Variants in NWD2 observed in about 807,000 individuals in gnomAD.
NWD2 encodes NACHT and WD repeat domain-containing protein 2.
In NWD2, 37 loss-of-function variants were observed where a neutral mutation model predicts 132.7. That is an observed-to-expected ratio of 0.28 (90% confidence interval 0.21 to 0.37). The LOEUF is 0.37. Ranked by LOEUF, NWD2 falls within the 10% of genes least tolerant of loss-of-function variation. The pLI is 1.00. For missense variants in NWD2, 1,592 were observed against 2,122.4 expected, an observed-to-expected ratio of 0.75 and a Z score of 4.91; for synonymous variants, 705 against 803.0, an observed-to-expected ratio of 0.88 and a Z score of 2.06.
Position 37,446,214 on chromosome 4 carries a change from A to T in NWD2, c.4226A>T (p.Asp1409Val). The T allele has an allele frequency of 6.4e-7, 1 of 1,551,660 alleles. No homozygotes were observed. The highest frequency in any genetic ancestry group is 8.7e-7 in the Non-Finnish European group (1 of 1,146,982). Residue 1409 changes from aspartate (D) to valine (V), a missense_variant, in exon 7 of 7, where the codon GAC becomes GTC. By Grantham distance (152) the Asp-to-Val change is radical (BLOSUM62 -3). Transcript: ENST00000309447. This position sits in a 1 kb window ranked among gnomAD's most constrained non-coding sequence, Gnocchi z 6.7. ...RISQLLITHNDQFVVSLCEEN... is the reference protein window; with the variant it reads ...RISQLLITHNVQFVVSLCEEN... ...TCTCAGCTGCTGATTACACACAATGACCAGTTTGTGGTCTCGCTCTGTGAG... is the reference window on the plus strand; with the variant it reads ...TCTCAGCTGCTGATTACACACAATGTCCAGTTTGTGGTCTCGCTCTGTGAG...
At chr4:37,355,052 G>A (rs554079812) in intron 2 of NWD2, among the ~76,000 whole-genome samples, 11 of 152,246 alleles carry the variant, frequency 7.2e-5, no homozygotes, top group Admixed American at 2.0e-4. Context: ...GAAATACTCT[G>A]TATCTCCTTT....
In NWD2 at chr4:37,439,052, T is replaced by A. The variant is rs1210943246; in HGVS notation, c.958T>A (p.Ser320Thr). The A allele has an allele frequency of 6.4e-7, 1 of 1,551,638 alleles. No individual in the cohort carries two copies. Among genetic ancestry groups the A allele is most frequent in the Non-Finnish European group, 8.7e-7 (1 of 1,146,972 alleles). ...ATCATCTAATCTGAGAGTGTACACATCTGTTACTCATTGTGACATGAAACT... is the reference window on the plus strand; with the variant it reads ...ATCATCTAATCTGAGAGTGTACACAACTGTTACTCATTGTGACATGAAACT... ...VASSNLRVYT[S>T]VTHCDMKLGY... Residue 320 changes from serine (S) to threonine (T), a missense_variant, in exon 6 of 7, where the codon TCT becomes ACT. Transcript: ENST00000309447. The surrounding 1 kb of genome is among the most constrained non-coding windows in gnomAD (Gnocchi z 4.5).
At chr4:37,340,358 A>G (rs1719494115) in intron 2 of NWD2, among the ~76,000 whole-genome samples, 1 of 152,220 alleles carries the variant, frequency 6.6e-6, no homozygotes, top group Non-Finnish European at 1.5e-5. Flanking sequence ...CATCTACCCC[A>G]GAGCCCCAGG....
At position 37,445,026 on chromosome 4, in the gene NWD2, T is replaced by C. The variant is rs890029136; in HGVS notation, c.3038T>C (p.Leu1013Pro). ...RQITTAQSVILGMKLTSDEKY... is the reference protein window; with the variant it reads ...RQITTAQSVIPGMKLTSDEKY... ...ATCACCACAGCCCAGTCTGTCATCC[T>C]GGGCATGAAACTCACCAGTGATGAA... is the stretch of plus-strand genomic sequence containing the variant. The change falls in exon 7 of 7, where the codon CTG becomes CCG. Residue 1013 changes from leucine (L) to proline (P), a missense_variant. Leu to Pro is a moderately conservative substitution (Grantham distance 98, BLOSUM62 -3). Coordinates refer to ENST00000309447, the MANE Select transcript of NWD2 (RefSeq NM_001144990.2). The surrounding 1 kb of genome is among the most constrained non-coding windows in gnomAD (Gnocchi z 4.7). The C allele has an allele frequency of 6.4e-7, 1 of 1,551,934 alleles. No individual in the cohort carries two copies. The highest frequency in any genetic ancestry group is 2.4e-5 in the East Asian group (1 of 40,922).
chr4:37,257,632 G>A (rs1205132095), intron 1 of NWD2, among the ~76,000 whole-genome samples: 2 of 152,040 alleles, frequency 1.3e-5, no homozygotes, highest in African/African-American at 2.4e-5. Flanking sequence ...AGAATTCCTT[G>A]AATAACTTCC....
chr4:37,318,712 T>A (rs758151435), intron 1 of NWD2, among the ~76,000 whole-genome samples: 4 of 148,914 alleles, frequency 2.7e-5, no homozygotes, highest in Non-Finnish European at 4.4e-5. Flanking sequence ...TTATGTAAAA[T>A]TATAATAATA....
intron 1 of NWD2, among the ~76,000 whole-genome samples, chr4:37,258,797 C>T (rs1190183840): frequency 1.3e-5 from 2 of 152,186 alleles, no homozygotes; most frequent in Non-Finnish European, 2.9e-5. Flanking sequence ...ATATTTGAAA[C>T]TCATTCTCTG....
chr4:37,439,632 G>A lies in NWD2; in HGVS notation c.1296+242G>A, dbSNP rs1352152510. Among the ~76,000 whole-genome samples, 1 of 151,932 alleles carries A rather than the reference G, an allele frequency of 6.6e-6. No individual in the cohort carries two copies. Among genetic ancestry groups the A allele is most frequent in the African/African-American group, 2.4e-5 (1 of 41,244 alleles). Reference sequence around the variant, plus strand: ...CTTTCACTGTTCAGACTCATGTTGTGGGCTAGTTCCCATCCCTCACCCCAT... The same window carrying A: ...CTTTCACTGTTCAGACTCATGTTGTAGGCTAGTTCCCATCCCTCACCCCAT... On this transcript the variant is annotated intron_variant, in intron 6 of 6. Transcript: ENST00000309447. The surrounding 1 kb of genome is among the most constrained non-coding windows in gnomAD (Gnocchi z 4.5).
At chr4:37,291,311 C>T (rs1038354713) in intron 1 of NWD2, among the ~76,000 whole-genome samples, 2 of 151,756 alleles carry the variant, frequency 1.3e-5, no homozygotes, top group East Asian at 1.9e-4. Flanking sequence ...TTTGTTCATC[C>T]GAGATAAGAT....
intron 1 of NWD2, among the ~76,000 whole-genome samples, chr4:37,291,677 T>C (rs769207432): frequency 4.6e-5 from 7 of 152,124 alleles, no homozygotes; most frequent in Admixed American, 2.0e-4. Context: ...ATTAATATAT[T>C]ATTTATAAAT....
In NWD2 at chr4:37,421,167, C is replaced by T. The variant is rs545346767; in HGVS notation, c.358-9405C>T. 5.3e-5 allele frequency among the ~76,000 whole-genome samples: 8 copies of T among 152,290 alleles called. 1 individual carries two copies. Among genetic ancestry groups the T allele is most frequent in the African/African-American group, 1.9e-4 (8 of 41,560 alleles). On this transcript the variant is annotated intron_variant, in intron 3 of 6. Transcript: ENST00000309447. ...TGTCTCCACTACCCCTCTGAAAACT[C>T]GGCTCCTTTTGTATTCATTTTCCCA...
At chr4:37,426,781 T>A (rs1712021286) in intron 3 of NWD2, among the ~76,000 whole-genome samples, 1 of 152,146 alleles carries the variant, frequency 6.6e-6, no homozygotes, top group African/African-American at 2.4e-5. Flanking sequence ...TTTTAGCAAG[T>A]ACCCTGGGAG....
rs1712437082 is a variant in NWD2, at chr4:37,439,962, G to C, written c.1296+572G>C. On this transcript the variant is annotated intron_variant, in intron 6 of 6. Coordinates refer to ENST00000309447, the MANE Select transcript of NWD2 (RefSeq NM_001144990.2). The surrounding 1 kb of genome is among the most constrained non-coding windows in gnomAD (Gnocchi z 4.5). Reference sequence around the variant, plus strand: ...GTCACAGTTTAGGGGATATGGGAAAGGTAAGGTGGCCAGAAAGTTATTACG... The same window carrying C: ...GTCACAGTTTAGGGGATATGGGAAACGTAAGGTGGCCAGAAAGTTATTACG... Among the ~76,000 whole-genome samples, 1 of 152,174 alleles carries C rather than the reference G, an allele frequency of 6.6e-6. No homozygotes were observed. The highest frequency in any genetic ancestry group is 2.4e-5 in the African/African-American group (1 of 41,438).
At chr4:37,289,500 T>C (rs1350243850) in intron 1 of NWD2, among the ~76,000 whole-genome samples, 2 of 152,234 alleles carry the variant, frequency 1.3e-5, no homozygotes, top group Non-Finnish European at 2.9e-5. Context: ...TATTGCCATA[T>C]CATGTGTTTA....
intron 6 of NWD2, among the ~76,000 whole-genome samples, chr4:37,441,711 T>C (rs778154495): frequency 1.8e-4 from 28 of 152,238 alleles, no homozygotes; most frequent in Admixed American, 3.3e-4. Flanking sequence ...TCCAAGAAAC[T>C]GTGCCTCTTT....
chr4:37,433,296 T>G (rs936651851), intron 4 of NWD2, among the ~76,000 whole-genome samples: 2 of 152,232 alleles, frequency 1.3e-5, no homozygotes, highest in Admixed American at 1.3e-4. Context: ...CTATTTAATT[T>G]GCTTTAATTG....
intron 3 of NWD2, among the ~76,000 whole-genome samples, chr4:37,424,556 C>G (rs558938656): frequency 2.0e-5 from 3 of 152,160 alleles, no homozygotes; most frequent in African/African-American, 4.8e-5. Flanking sequence ...GACCCACCTG[C>G]CTTGCTTCAG....
At chr4:37,388,143 T>C (rs1720602756) in intron 3 of NWD2, among the ~76,000 whole-genome samples, 1 of 152,120 alleles carries the variant, frequency 6.6e-6, no homozygotes, top group Non-Finnish European at 1.5e-5. Context: ...TTCACTTAGT[T>C]AATAGATGTA....
At chr4:37,309,172 C>A (rs1158397610) in intron 1 of NWD2, among the ~76,000 whole-genome samples, 1 of 152,138 alleles carries the variant, frequency 6.6e-6, no homozygotes, top group Non-Finnish European at 1.5e-5. Context: ...TGCAGCAGCT[C>A]CACCACTACA....
Sources: allele counts gnomAD v4.1 joint callset (sites outside exome capture counted in the v4.1 genomes callset), GRCh38; gene constraint gnomAD v4.1.1; non-coding constraint Gnocchi (gnomAD v3.1); transcripts MANE v1.5; gene names NCBI Gene and HGNC (gene_info 2026-07-23, HGNC 2026-07-21).